The following FCHSD2 variants were observed in gnomAD, a reference collection of about 807,000 sequenced individuals.
FCHSD2 encodes FCH and double SH3 domains 2, also known as F-BAR and double SH3 domains protein 2.
A neutral mutation model predicts 108.1 loss-of-function variants in FCHSD2; 38 were observed. The ratio of observed to expected loss-of-function variants is 0.35; its 90% CI spans 0.27 to 0.46. The LOEUF (loss-of-function observed/expected upper bound fraction) is 0.46. Among genes scored for constraint, FCHSD2 ranks in the 20% least tolerant of loss-of-function variants. The probability of loss-of-function intolerance (pLI) is 1.00; values close to 1 mark genes in which losing one functional copy is unlikely to be tolerated. For missense variants in FCHSD2, 751 were observed against 897.8 expected, an observed-to-expected ratio of 0.84 and a Z score of 2.09; for synonymous variants, 279 against 314.7, an observed-to-expected ratio of 0.89 and a Z score of 1.20.
chr11:72,966,622 G>T (rs1443682702), intron 8 of FCHSD2, among the ~76,000 whole-genome samples: 1 of 152,130 alleles, frequency 6.6e-6, no homozygotes. Flanking sequence ...ATTCCTGCAT[G>T]AATACATTCA....
intron 13 of FCHSD2, among the ~76,000 whole-genome samples, chr11:72,858,614 G>A (rs764295687): frequency 7.2e-5 from 11 of 152,140 alleles, no homozygotes; most frequent in African/African-American, 2.4e-4. Context: ...GGGGCCTTTC[G>A]GAGGGTAGAG....
intron 9 of FCHSD2, among the ~76,000 whole-genome samples, chr11:72,915,228 T>TA (rs990790653): frequency 4.0e-5 from 6 of 151,674 alleles, no homozygotes; most frequent in African/African-American, 1.2e-4. Flanking sequence ...TGGTTATCAA[T>TA]AAAAAATTAA....
chr11:73,093,087 C>T (rs970546859), intron 2 of FCHSD2, among the ~76,000 whole-genome samples: 2 of 152,076 alleles, frequency 1.3e-5, no homozygotes, highest in Admixed American at 1.3e-4. Flanking sequence ...GTGACTGAAC[C>T]GCAATAAAAA....
rs561355327 is a variant in FCHSD2, at chr11:72,984,817, CT to C, written c.576+244del. 7.8e-4 allele frequency among the ~76,000 whole-genome samples: 119 copies of C among 152,362 alleles called. 1 individual carries two copies. Among genetic ancestry groups the C allele is most frequent in the African/African-American group, 2.8e-3 (118 of 41,592 alleles). Reference sequence around the variant, plus strand: ...TGGACTAAGAGCTAAAGACAACAGGCTGCCTAAGCAGGTAAGGTCCAGAAAC... The same window carrying C: ...TGGACTAAGAGCTAAAGACAACAGGCGCCTAAGCAGGTAAGGTCCAGAAAC... On this transcript the variant is annotated intron_variant, in intron 7 of 19. Coordinates refer to ENST00000409418, the MANE Select transcript of FCHSD2 (RefSeq NM_014824.3).
At chr11:72,977,879 C>T (rs1857133250) in intron 8 of FCHSD2, among the ~76,000 whole-genome samples, 1 of 152,206 alleles carries the variant, frequency 6.6e-6, no homozygotes, top group Non-Finnish European at 1.5e-5. Context: ...TTTACTGCAG[C>T]ACTATTCAAA....
At chr11:72,971,327 T>C (rs1175917018) in intron 8 of FCHSD2, among the ~76,000 whole-genome samples, 2 of 152,176 alleles carry the variant, frequency 1.3e-5, no homozygotes, top group Non-Finnish European at 2.9e-5. Flanking sequence ...TAGACAGAAC[T>C]ATAAAATGAT....
At chr11:72,996,344 C>T (rs553192291) in intron 5 of FCHSD2, among the ~76,000 whole-genome samples, 106 of 152,220 alleles carry the variant, frequency 7.0e-4, no homozygotes, top group Non-Finnish European at 1.2e-3. Flanking sequence ...ATGGATATGG[C>T]AGCAGTTTGC....
chr11:73,065,902 C>G (rs1183565019), intron 3 of FCHSD2, among the ~76,000 whole-genome samples: 3 of 152,178 alleles, frequency 2.0e-5, no homozygotes, highest in African/African-American at 7.2e-5. Context: ...TAGGAAGAAT[C>G]AATATCATGA....
At chr11:72,984,357 T>C in intron 7 of FCHSD2, 141 bp from the exon 8 acceptor site, 1 of 665,096 alleles carries the variant, frequency 1.5e-6, no homozygotes, top group Non-Finnish European at 2.6e-6. Context: ...TATACGTATA[T>C]AAAAATTATT....
intron 10 of FCHSD2, among the ~76,000 whole-genome samples, chr11:72,890,497 T>C (rs1043843891): frequency 2.6e-5 from 4 of 152,176 alleles, no homozygotes; most frequent in Non-Finnish European, 5.9e-5. Flanking sequence ...GCTTTTGCTC[T>C]TTCTCCAGGC....
At chr11:73,039,591 T>C (rs1046304456) in intron 3 of FCHSD2, among the ~76,000 whole-genome samples, 2 of 152,030 alleles carry the variant, frequency 1.3e-5, no homozygotes, top group African/African-American at 4.8e-5. Context: ...ATTTTAAAAA[T>C]GTGTAAGTAT....
At chr11:73,090,219 CTTTTTTTTTTT>C (rs59603567) in intron 2 of FCHSD2, among the ~76,000 whole-genome samples, 1 of 77,032 alleles carries the variant, frequency 1.3e-5, no homozygotes, top group East Asian at 3.6e-4. Context: ...TACAATACTT[CTTTTTTTTTTT>C]TTTTTTTTTT....
chr11:73,141,794 G>A, intron 1 of FCHSD2, 63 bp downstream of exon 1: 1 of 1,497,546 alleles, frequency 6.7e-7, no homozygotes, highest in Non-Finnish European at 9.0e-7. Flanking sequence ...CGCAGCGGTC[G>A]CCCCAGCCGC....
At position 73,140,225 on chromosome 11, in the gene FCHSD2, G is replaced by A. The variant is rs757286441; in HGVS notation, c.22-97C>T. 8.7e-5 allele frequency: 53 copies of A among 609,644 alleles called. 1 individual carries two copies. Among genetic ancestry groups the A allele is most frequent in the South Asian group, 5.6e-4 (26 of 46,746 alleles). 37.8% of individuals were successfully genotyped at this position (609,644 alleles called of 1,614,324 possible). On this transcript the variant is annotated intron_variant, in intron 1 of 19. Transcript: ENST00000409418. ...ATCTGTCAGAATATGTCTCTTGCTC[G>A]CCTCTCCCCTGAAGGCCATAAATCC... is the stretch of plus-strand genomic sequence containing the variant.
At chr11:72,999,808 G>T (rs1261712621) in intron 5 of FCHSD2, among the ~76,000 whole-genome samples, 1 of 151,956 alleles carries the variant, frequency 6.6e-6, no homozygotes, top group Non-Finnish European at 1.5e-5. Context: ...TCCTGGTTGG[G>T]AAGTTATACT....
At chr11:72,962,856 A>G (rs1300419306) in intron 8 of FCHSD2, among the ~76,000 whole-genome samples, 1 of 152,164 alleles carries the variant, frequency 6.6e-6, no homozygotes, top group Non-Finnish European at 1.5e-5. Flanking sequence ...CAAAAGTTAA[A>G]TATCTTGATT....
At chr11:73,000,427 T>C (rs1857603400) in intron 5 of FCHSD2, among the ~76,000 whole-genome samples, 1 of 152,180 alleles carries the variant, frequency 6.6e-6, no homozygotes, top group Non-Finnish European at 1.5e-5. Context: ...CATTAAGCAA[T>C]GCCATTTTCC....
intron 9 of FCHSD2, among the ~76,000 whole-genome samples, chr11:72,910,254 C>T (rs569690360): frequency 1.1e-4 from 17 of 152,042 alleles, no homozygotes; most frequent in South Asian, 1.0e-3. Context: ...AGCCTCTGCC[C>T]GGCCACCCCA....
At position 72,841,424 on chromosome 11, in the gene FCHSD2, A is replaced by G. The variant is rs1282472756; in HGVS notation, c.2056+30T>C. ...ATGTAGGTTTCTGAAGTGAAAATGC[A>G]TTTAGACCCATGCCCAGGAGAACCC... On this transcript the variant is annotated intron_variant, in intron 18 of 19. Transcript: ENST00000409418. The G allele has an allele frequency of 1.9e-6, 3 of 1,592,474 alleles. No individual in the cohort carries two copies. In the Admixed American group the frequency reaches 5.2e-5, roughly 27 times the overall value.
Sources: gnomAD v4.1 joint callset for allele counts (sites outside exome capture counted in the v4.1 genomes callset) on GRCh38, gnomAD v4.1.1 for gene constraint, MANE v1.5 for transcripts, NCBI Gene and HGNC (gene_info 2026-07-23, HGNC 2026-07-21) for gene names.